Variants in ANO10 observed in about 807,000 individuals in gnomAD.
ANO10 encodes anoctamin 10.
ANO10 carries 77 observed loss-of-function variants against 74.7 expected under a neutral mutation model. The ratio of observed to expected loss-of-function variants is 1.03; its 90% CI spans 0.86 to 1.25. The LOEUF is 1.25. Ranked by LOEUF, ANO10 falls within the 50% of genes most tolerant of loss-of-function variation. ANO10 has a pLI of 0.00. For synonymous variants in ANO10, 279 were observed against 284.9 expected, an observed-to-expected ratio of 0.98 and a Z score of 0.21; for missense variants, 721 against 778.1, an observed-to-expected ratio of 0.93 and a Z score of 0.87.
At chr3:43,508,943 TA>T (rs35265220) in intron 11 of ANO10, among the ~76,000 whole-genome samples, 49,694 of 104,616 alleles carry the variant, frequency 0.48, 8,712 homozygotes, top group Middle Eastern at 0.5. Context: ...TAAAGTATAA[TA>T]AAAAAAAAAA....
intron 6 of ANO10, among the ~76,000 whole-genome samples, chr3:43,575,471 C>T (rs1013997427): frequency 6.6e-6 from 1 of 152,150 alleles, no homozygotes; most frequent in African/African-American, 2.4e-5. Context: ...AGTTACTTAA[C>T]CTCCTGATAC....
At chr3:43,519,090 TTC>T (rs2077837444) in intron 11 of ANO10, among the ~76,000 whole-genome samples, 1 of 152,066 alleles carries the variant, frequency 6.6e-6, no homozygotes, top group Non-Finnish European at 1.5e-5. Context: ...GCTTTAAAAT[TTC>T]TCTCTTTTGT....
intron 1 of ANO10, among the ~76,000 whole-genome samples, chr3:43,680,428 T>G (rs1283653712): frequency 1.3e-5 from 2 of 152,190 alleles, no homozygotes; most frequent in East Asian, 3.9e-4. Context: ...AATATGGGAC[T>G]ATGTGAAAAG....
rs777182153 is a variant in ANO10 at position 43,426,247 on chromosome 3, C to T, written c.1914+6364G>A. Among the ~76,000 whole-genome samples the T allele has an allele frequency of 2.0e-5, 3 of 152,164 alleles. No individual in the cohort carries two copies. In the East Asian group the frequency reaches 5.8e-4, roughly 29 times the overall value. ...GACTGCCTTGGGCACTTTCTCAGGA[C>T]CTCGAGACTGTTCCCTGGGACTATG... is the stretch of plus-strand genomic sequence containing the variant. On this transcript the variant is annotated intron_variant, in intron 12 of 12. Coordinates refer to ENST00000292246, the MANE Select transcript of ANO10 (RefSeq NM_018075.5).
chr3:43,563,536 C>T (rs1221084578), intron 8 of ANO10, among the ~76,000 whole-genome samples: 6 of 149,308 alleles, frequency 4.0e-5, no homozygotes, highest in Admixed American at 1.4e-4. Flanking sequence ...GCATATCAAA[C>T]GGACACCTGC....
chr3:43,433,253 T>C (rs973022587), intron 11 of ANO10, among the ~76,000 whole-genome samples: 2 of 152,140 alleles, frequency 1.3e-5, no homozygotes, highest in African/African-American at 2.4e-5. Flanking sequence ...CAGCCAACTT[T>C]ATTCTTTTTA....
At position 43,528,207 on chromosome 3, in the gene ANO10, G is replaced by GAA. The variant is rs35735692; in HGVS notation, c.1797+21511_1797+21512dup. Among the ~76,000 whole-genome samples the GAA allele has an allele frequency of 8.3e-4, 122 of 146,570 alleles. 1 individual carries two copies. The highest frequency in any genetic ancestry group is 2.4e-3 in the South Asian group (11 of 4,680). ...AGGAAAATTTCAAAATGAAAAAAAC[G>GAA]AAAAAAAAAAGCAGATAACATCTGT... On this transcript the variant is annotated intron_variant, in intron 11 of 12. Coordinates refer to ENST00000292246, the MANE Select transcript of ANO10 (RefSeq NM_018075.5).
intron 11 of ANO10, among the ~76,000 whole-genome samples, chr3:43,549,244 AAG>A: frequency 6.7e-6 from 1 of 148,972 alleles, no homozygotes; most frequent in East Asian, 2.0e-4. Flanking sequence ...CTAGGACTAC[AAG>A]AATGAACCAA....
chr3:43,567,211 T>C (rs937975001), intron 7 of ANO10, among the ~76,000 whole-genome samples: 41 of 152,132 alleles, frequency 2.7e-4, no homozygotes, highest in Non-Finnish European at 4.1e-4. Flanking sequence ...ATCTGATTGG[T>C]GTACCTAAAA....
At chr3:43,562,103 G>C (rs1364316020) in intron 8 of ANO10, among the ~76,000 whole-genome samples, 1 of 152,118 alleles carries the variant, frequency 6.6e-6, no homozygotes, top group African/African-American at 2.4e-5. Flanking sequence ...GGGTGCAGTG[G>C]CTCATGCCTG....
chr3:43,565,891 G>C lies in ANO10; in HGVS notation c.1219-164C>G, dbSNP rs148606608. On this transcript the variant is annotated intron_variant, in intron 7 of 12. Transcript: ENST00000292246. The stretch of plus-strand genomic sequence containing the variant: ...AGCTCCCAGCCTGAGCGACGCAGAA[G>C]ACGGGTGATTTCTGCATTTACATCT... Among the ~76,000 whole-genome samples the C allele has an allele frequency of 3.6e-3, 546 of 152,326 alleles. 4 individuals carry two copies. Among genetic ancestry groups the C allele is most frequent in the African/African-American group, 0.012 (517 of 41,576 alleles).
chr3:43,676,216 T>G (rs937816663), intron 1 of ANO10, among the ~76,000 whole-genome samples: 1 of 151,958 alleles, frequency 6.6e-6, no homozygotes, highest in Admixed American at 6.6e-5. Flanking sequence ...TCCCAATGCT[T>G]TGGGAGGCGA....
At chr3:43,646,929 G>C (rs894716333) in intron 1 of ANO10, among the ~76,000 whole-genome samples, 13 of 152,198 alleles carry the variant, frequency 8.5e-5, no homozygotes, top group African/African-American at 3.1e-4. Context: ...CCCTGAAGGT[G>C]GGGGTACAAC....
chr3:43,584,002 A>C (rs575329317), intron 4 of ANO10, among the ~76,000 whole-genome samples: 7 of 152,346 alleles, frequency 4.6e-5, no homozygotes, highest in African/African-American at 1.7e-4. Flanking sequence ...TAAAATGTTA[A>C]GAAACCTTGG....
intron 10 of ANO10, among the ~76,000 whole-genome samples, chr3:43,552,714 A>G (rs150833721): frequency 2.2e-5 from 3 of 133,594 alleles, no homozygotes; most frequent in African/African-American, 3.1e-5. Context: ...ATATATATAT[A>G]TATATATATA....
chr3:43,486,331 C>T (rs897205468), intron 11 of ANO10, among the ~76,000 whole-genome samples: 1 of 151,962 alleles, frequency 6.6e-6, no homozygotes, highest in Admixed American at 6.6e-5. Context: ...TAGTTTTTTC[C>T]AATTCTGTGA....
At chr3:43,541,290 C>T (rs1331852031) in intron 11 of ANO10, among the ~76,000 whole-genome samples, 7 of 152,138 alleles carry the variant, frequency 4.6e-5, no homozygotes, top group African/African-American at 1.7e-4. Flanking sequence ...ACAATAATAG[C>T]TAACAAAACT....
At chr3:43,418,832 G>A (rs1054403194) in intron 12 of ANO10, among the ~76,000 whole-genome samples, 1 of 152,234 alleles carries the variant, frequency 6.6e-6, no homozygotes, top group African/African-American at 2.4e-5. Context: ...AGAAGGGAAT[G>A]GCAATAGGTC....
intron 11 of ANO10, among the ~76,000 whole-genome samples, chr3:43,450,645 T>A (rs1369679602): frequency 3.3e-5 from 5 of 152,210 alleles, no homozygotes; most frequent in African/African-American, 9.6e-5. Context: ...ATAACTGTCA[T>A]TTGCCACACA....
Sources: allele counts gnomAD v4.1 joint callset (sites outside exome capture counted in the v4.1 genomes callset), GRCh38; gene constraint gnomAD v4.1.1; transcripts MANE v1.5; gene names NCBI Gene and HGNC (gene_info 2026-07-23, HGNC 2026-07-21).